Variants in SV2C observed in about 807,000 individuals in gnomAD.
SV2C encodes synaptic vesicle glycoprotein 2C.
Under a neutral mutation model 79.7 loss-of-function variants are expected in SV2C, and 49 were observed. The ratio of observed to expected loss-of-function variants is 0.61; its 90% CI spans 0.49 to 0.78. SV2C has a LOEUF of 0.78. Ranked by LOEUF, SV2C falls within the 30% of genes least tolerant of loss-of-function variation. SV2C has a pLI of 0.00. For missense variants in SV2C, 833 were observed against 912.9 expected (o/e 0.91, Z 1.13); for synonymous variants, 334 against 333.2 (o/e 1.00, Z -0.03).
chr5:76,341,912 T>C (rs1749450164), intron 12 of SV2C, among the ~76,000 whole-genome samples: 1 of 152,182 alleles, frequency 6.6e-6, no homozygotes, highest in Non-Finnish European at 1.5e-5. Context: ...CAAGACTTTT[T>C]GCAGGACCGA....
At chr5:76,346,868 A>T (rs1384618443) in intron 12 of SV2C, among the ~76,000 whole-genome samples, 6 of 152,176 alleles carry the variant, frequency 3.9e-5, no homozygotes, top group Non-Finnish European at 8.8e-5. Context: ...TCTCACCTGC[A>T]CACAGCTTGC....
intron 3 of SV2C, among the ~76,000 whole-genome samples, chr5:76,196,262 A>G (rs1288862020): frequency 6.6e-6 from 1 of 152,250 alleles, no homozygotes; most frequent in Non-Finnish European, 1.5e-5. Context: ...CACAAATTTT[A>G]GGAGCTTTCC....
At chr5:76,060,285 C>T in the SV2C span, among the ~76,000 whole-genome samples, 10 of 152,186 alleles carry the variant, frequency 6.6e-5, no homozygotes, top group African/African-American at 1.9e-4. Flanking sequence ...TCTAACTGGG[C>T]GAGTCCTAGA....
intron 4 of SV2C, among the ~76,000 whole-genome samples, chr5:76,229,825 G>A (rs540569215): frequency 5.9e-5 from 9 of 152,336 alleles, no homozygotes; most frequent in Non-Finnish European, 1.2e-4. Context: ...GGGAGAGGAA[G>A]CTTGAACTAA....
chr5:76,025,782 C>T, the SV2C span, among the ~76,000 whole-genome samples: 4 of 152,094 alleles, frequency 2.6e-5, no homozygotes, highest in Admixed American at 2.0e-4. Context: ...CTGTATCACT[C>T]TATTAGGTTT....
intron 2 of SV2C, among the ~76,000 whole-genome samples, chr5:76,181,436 A>G (rs1162472254): frequency 1.3e-5 from 2 of 152,250 alleles, no homozygotes; most frequent in Non-Finnish European, 2.9e-5. Flanking sequence ...TCACACTGCT[A>G]TAAAGACCTA....
chr5:75,944,884 A>G, the SV2C span, among the ~76,000 whole-genome samples: 1 of 152,158 alleles, frequency 6.6e-6, no homozygotes, highest in South Asian at 2.1e-4. Flanking sequence ...GCAGGCACCT[A>G]AAACCCCCAA....
intron 12 of SV2C, among the ~76,000 whole-genome samples, chr5:76,308,246 C>T (rs1177740009): frequency 6.6e-6 from 1 of 152,182 alleles, no homozygotes; most frequent in Non-Finnish European, 1.5e-5. Flanking sequence ...AGGTACTCCA[C>T]TTAAGCTCCA....
At chr5:75,969,114 C>A in the SV2C span, among the ~76,000 whole-genome samples, 1 of 152,100 alleles carries the variant, frequency 6.6e-6, no homozygotes, top group Non-Finnish European at 1.5e-5. Flanking sequence ...ACTTTACAGA[C>A]AAACAAATGC....
chr5:75,926,509 G>A, the SV2C span, among the ~76,000 whole-genome samples: 2 of 151,824 alleles, frequency 1.3e-5, no homozygotes, highest in Admixed American at 6.6e-5. Flanking sequence ...TTTCCTGCTC[G>A]GTGCCTGAAT....
At chr5:76,035,134 CT>C in the SV2C span, among the ~76,000 whole-genome samples, 10 of 150,670 alleles carry the variant, frequency 6.6e-5, no homozygotes, top group Admixed American at 3.3e-4. Flanking sequence ...TGATTCTTCT[CT>C]TTTTTTTTCT....
At chr5:76,299,620 G>T (rs140323510) in intron 10 of SV2C, among the ~76,000 whole-genome samples, 1 of 152,318 alleles carries the variant, frequency 6.6e-6, no homozygotes, top group East Asian at 1.9e-4. Flanking sequence ...GCATAACAGC[G>T]TGGCATTGGC....
chr5:76,099,219 G>A (rs1248400091), intron 1 of SV2C, among the ~76,000 whole-genome samples: 1 of 151,924 alleles, frequency 6.6e-6, no homozygotes, highest in African/African-American at 2.4e-5. Context: ...TTTGAAATTG[G>A]GTACTACAAA....
chr5:76,197,146 A>T (rs534528898), intron 3 of SV2C, among the ~76,000 whole-genome samples: 6 of 152,294 alleles, frequency 3.9e-5, no homozygotes, highest in Non-Finnish European at 8.8e-5. Context: ...AGACATTAGG[A>T]CTTTGCATTG....
the SV2C span, among the ~76,000 whole-genome samples, chr5:76,000,625 C>CA: frequency 6.6e-6 from 1 of 152,122 alleles, no homozygotes; most frequent in African/African-American, 2.4e-5. Context: ...CTATGAACAC[C>CA]AATTAGCACT....
At chr5:76,053,042 C>T in the SV2C span, among the ~76,000 whole-genome samples, 2 of 151,294 alleles carry the variant, frequency 1.3e-5, no homozygotes, top group African/African-American at 4.9e-5. Context: ...CATTCCATAC[C>T]ACACTCCGTA....
intron 1 of SV2C, among the ~76,000 whole-genome samples, chr5:76,129,456 G>A (rs905787027): frequency 1.3e-5 from 2 of 152,158 alleles, no homozygotes; most frequent in Non-Finnish European, 2.9e-5. Flanking sequence ...ATTTCTGCAA[G>A]AATTTTTTCA....
At chr5:76,251,241 C>T (rs552879049) in intron 4 of SV2C, among the ~76,000 whole-genome samples, 15 of 152,074 alleles carry the variant, frequency 9.9e-5, no homozygotes, top group South Asian at 2.1e-4. Flanking sequence ...ACCTGCAGGG[C>T]TCATCAAAGC....
the SV2C span, among the ~76,000 whole-genome samples, chr5:75,983,186 A>G: frequency 1.3e-5 from 2 of 152,134 alleles, no homozygotes; most frequent in Non-Finnish European, 1.5e-5. Flanking sequence ...AAGTTTACCT[A>G]TGTAACAAAC....
Sources: allele counts gnomAD v4.1 joint callset (sites outside exome capture counted in the v4.1 genomes callset), GRCh38; gene constraint gnomAD v4.1.1; transcripts MANE v1.5; gene names NCBI Gene and HGNC (gene_info 2026-07-23, HGNC 2026-07-21).